The following RGS6 variants were observed in gnomAD, a reference collection of about 807,000 sequenced individuals.
The protein encoded by RGS6 is regulator of G protein signaling 6, also known as regulator of G-protein signaling 6.
Under a neutral mutation model 78.5 loss-of-function variants are expected in RGS6, and 30 were observed. The observed-to-expected ratio is 0.38, with a 90% CI of 0.29 to 0.52. RGS6 has a LOEUF of 0.52. Among genes scored for constraint, RGS6 ranks in the 20% least tolerant of loss-of-function variants. The probability of loss-of-function intolerance (pLI) is 0.85; values close to 1 mark genes in which losing one functional copy is unlikely to be tolerated. For missense variants in RGS6, 495 were observed against 609.7 expected (o/e 0.81, Z 1.98); for synonymous variants, 206 against 206.0 (o/e 1.00, Z 0.00).
intron 13 of RGS6, among the ~76,000 whole-genome samples, chr14:72,501,847 C>T (rs989632723): frequency 3.3e-5 from 5 of 152,202 alleles, no homozygotes; most frequent in Admixed American, 6.5e-5. Flanking sequence ...CCAGCTTGGC[C>T]GTAGGCATTC....
chr14:72,107,517 T>G lies in RGS6; in HGVS notation c.84+142642T>G, dbSNP rs116271826. Among the ~76,000 whole-genome samples the G allele has an allele frequency of 7.2e-3, 1,089 of 152,248 alleles. 12 individuals are homozygous for G. Among genetic ancestry groups the G allele is most frequent in the African/African-American group, 0.025 (1,030 of 41,542 alleles). ...CCAGTTCTTTTTGATAGGAAAAAAATGTCAAAACCACAAACCAGATTCTCA... is the reference window on the plus strand; with the variant it reads ...CCAGTTCTTTTTGATAGGAAAAAAAGGTCAAAACCACAAACCAGATTCTCA... On this transcript the variant is annotated intron_variant, in intron 2 of 17. Coordinates refer to ENST00000553525, the MANE Select transcript of RGS6 (RefSeq NM_001204424.2).
intron 2 of RGS6, among the ~76,000 whole-genome samples, chr14:71,966,843 G>A (rs1253740926): frequency 6.6e-6 from 1 of 152,028 alleles, no homozygotes; most frequent in African/African-American, 2.4e-5. Context: ...TTAATAAGTT[G>A]TCTAGAGCAA....
chr14:72,047,030 A>G (rs1475415092), intron 2 of RGS6, among the ~76,000 whole-genome samples: 1 of 152,242 alleles, frequency 6.6e-6, no homozygotes, highest in Non-Finnish European at 1.5e-5. Flanking sequence ...GCTTGGACAA[A>G]TAGTAAGTCT....
intron 2 of RGS6, among the ~76,000 whole-genome samples, chr14:72,179,634 T>C (rs1454178582): frequency 6.6e-6 from 1 of 150,990 alleles, no homozygotes; most frequent in Middle Eastern, 3.2e-3. Context: ...TTTTTTGTGA[T>C]TTGTATGTTC....
the RGS6 span, among the ~76,000 whole-genome samples, chr14:71,882,763 G>A: frequency 2.6e-5 from 4 of 152,212 alleles, no homozygotes; most frequent in Admixed American, 6.5e-5. Flanking sequence ...AAGAGTGAAA[G>A]AAAGAGAAAA....
rs1437284588 is a variant in RGS6, at chr14:72,411,687, G to T, written c.185-42841G>T. Among the ~76,000 whole-genome samples the T allele has an allele frequency of 8.5e-5, 13 of 152,252 alleles. No individual in the cohort carries two copies. The East Asian group carries it at 2.3e-3, about 27-fold the overall frequency. On this transcript the variant is annotated intron_variant, in intron 3 of 17. Coordinates refer to ENST00000553525, the MANE Select transcript of RGS6 (RefSeq NM_001204424.2). ...CTTCCAGTTTTTGTCCATTCAGTAT[G>T]ATATTGGCTGTGGGTTTGTCATAGA...
At chr14:72,281,432 A>G (rs532067499) in intron 2 of RGS6, among the ~76,000 whole-genome samples, 16 of 152,300 alleles carry the variant, frequency 1.1e-4, no homozygotes, top group African/African-American at 3.8e-4. Flanking sequence ...TACAGGAATG[A>G]GCCACCATGC....
chr14:72,179,899 T>C (rs2097152817), intron 2 of RGS6, among the ~76,000 whole-genome samples: 1 of 152,172 alleles, frequency 6.6e-6, no homozygotes, highest in Non-Finnish European at 1.5e-5. Flanking sequence ...ATGATTCTAA[T>C]GCACATTGAA....
chr14:72,604,002 A>T, the RGS6 span, among the ~76,000 whole-genome samples: 1 of 152,212 alleles, frequency 6.6e-6, no homozygotes, highest in Admixed American at 6.5e-5. Flanking sequence ...GTAATAGTAT[A>T]GTTTAACAGG....
intron 3 of RGS6, among the ~76,000 whole-genome samples, chr14:72,453,048 G>C (rs939258621): frequency 2.6e-5 from 4 of 152,190 alleles, no homozygotes; most frequent in African/African-American, 7.2e-5. Flanking sequence ...CCGCAGGACT[G>C]TCTGAATAGC....
chr14:72,159,704 C>G (rs962157686), intron 2 of RGS6, among the ~76,000 whole-genome samples: 2 of 151,418 alleles, frequency 1.3e-5, no homozygotes, highest in African/African-American at 4.8e-5. Flanking sequence ...ATTTTTTTTT[C>G]CTATGGCTCC....
chr14:71,996,540 G>A (rs1311943415), intron 2 of RGS6, among the ~76,000 whole-genome samples: 1 of 152,066 alleles, frequency 6.6e-6, no homozygotes, highest in Non-Finnish European at 1.5e-5. Flanking sequence ...CCTGAGGTTG[G>A]GACTGGGGGC....
the RGS6 span, among the ~76,000 whole-genome samples, chr14:71,904,896 C>G: frequency 0.037 from 5,513 of 150,216 alleles, 343 homozygotes; most frequent in African/African-American, 0.13. Context: ...ACTCCATTAT[C>G]TTTTTTTTTT....
intron 2 of RGS6, among the ~76,000 whole-genome samples, chr14:72,051,654 T>C (rs935639438): frequency 6.6e-6 from 1 of 152,208 alleles, no homozygotes; most frequent in African/African-American, 2.4e-5. Context: ...TTTAATCACT[T>C]TCTTGTAGAA....
At chr14:72,490,210 G>A (rs1266581763) in intron 12 of RGS6, among the ~76,000 whole-genome samples, 3 of 152,170 alleles carry the variant, frequency 2.0e-5, no homozygotes, top group Non-Finnish European at 4.4e-5. Flanking sequence ...TAAGTCTCAT[G>A]AGATCTGATG....
intron 2 of RGS6, among the ~76,000 whole-genome samples, chr14:72,132,586 A>G (rs960223839): frequency 6.6e-6 from 1 of 151,896 alleles, no homozygotes; most frequent in African/African-American, 2.4e-5. Flanking sequence ...GCCCCATTTT[A>G]TATACATGCT....
intron 2 of RGS6, among the ~76,000 whole-genome samples, chr14:72,348,653 C>T (rs1253407912): frequency 6.6e-6 from 1 of 152,120 alleles, no homozygotes; most frequent in Non-Finnish European, 1.5e-5. Flanking sequence ...TATATATAGT[C>T]CCTAAGAGTT....
the RGS6 span, among the ~76,000 whole-genome samples, chr14:71,876,525 T>C: frequency 4.2e-3 from 534 of 127,654 alleles, 1 homozygote; most frequent in Non-Finnish European, 6.6e-3. Flanking sequence ...TTCCATTTGC[T>C]TGGTAGATCT....
chr14:71,965,605 A>G (rs555166082), intron 2 of RGS6, among the ~76,000 whole-genome samples: 1 of 152,334 alleles, frequency 6.6e-6, no homozygotes, highest in South Asian at 2.1e-4. Flanking sequence ...TTTTGGGAAG[A>G]GAGGCTGGCT....
Sources: allele counts gnomAD v4.1 joint callset (sites outside exome capture counted in the v4.1 genomes callset), GRCh38; gene constraint gnomAD v4.1.1; transcripts MANE v1.5; gene names NCBI Gene and HGNC (gene_info 2026-07-23, HGNC 2026-07-21).